The following MDGA2 variants were observed in gnomAD, a reference collection of about 807,000 sequenced individuals.
The protein encoded by MDGA2 is MAM domain-containing glycosylphosphatidylinositol anchor protein 2.
In MDGA2, 40 loss-of-function variants were observed where a neutral mutation model predicts 117.8. That is an observed-to-expected ratio of 0.34 (90% confidence interval 0.26 to 0.44). The LOEUF (loss-of-function observed/expected upper bound fraction) is 0.44. MDGA2 is among the 20% of genes least tolerant of loss of function. MDGA2 has a pLI of 1.00. For synonymous variants in MDGA2, 452 were observed against 439.0 expected, an observed-to-expected ratio of 1.03 and a Z score of -0.37; for missense variants, 1,123 against 1,250.6, an observed-to-expected ratio of 0.90 and a Z score of 1.54.
At chr14:47,474,750 T>C (rs1893800993) in intron 1 of MDGA2, among the ~76,000 whole-genome samples, 1 of 152,136 alleles carries the variant, frequency 6.6e-6, no homozygotes, top group South Asian at 2.1e-4. Context: ...ATTCCCTACT[T>C]AATATATGGT....
chr14:47,030,302 G>T (rs1486308665), intron 8 of MDGA2, among the ~76,000 whole-genome samples: 1 of 151,884 alleles, frequency 6.6e-6, no homozygotes, highest in African/African-American at 2.4e-5. Context: ...ATCACCTGAG[G>T]TCAGGAGTTC....
intron 1 of MDGA2, among the ~76,000 whole-genome samples, chr14:47,591,009 C>A (rs1896427293): frequency 6.6e-6 from 1 of 151,860 alleles, no homozygotes. Context: ...GTCAATTTAA[C>A]CCAATTACAG....
intron 6 of MDGA2, among the ~76,000 whole-genome samples, chr14:47,071,666 G>A (rs1438103510): frequency 6.6e-6 from 1 of 151,520 alleles, no homozygotes; most frequent in Non-Finnish European, 1.5e-5. Context: ...CCATTTAATT[G>A]GCTTTACTCT....
At chr14:47,308,888 A>G (rs927593865) in intron 1 of MDGA2, among the ~76,000 whole-genome samples, 4 of 151,752 alleles carry the variant, frequency 2.6e-5, no homozygotes, top group South Asian at 2.1e-4. Flanking sequence ...GTAAATCGCT[A>G]TTTCTTTTTT....
At chr14:47,519,718 GA>G (rs943874705) in intron 1 of MDGA2, among the ~76,000 whole-genome samples, 4 of 151,770 alleles carry the variant, frequency 2.6e-5, no homozygotes, top group South Asian at 2.1e-4. Flanking sequence ...TTTTCATTTG[GA>G]AAAAAAATTA....
intron 8 of MDGA2, among the ~76,000 whole-genome samples, chr14:47,023,932 GAGA>G (rs1368196381): frequency 3.9e-5 from 6 of 152,032 alleles, no homozygotes; most frequent in East Asian, 3.9e-4. Flanking sequence ...CTGATATACA[GAGA>G]AGAAGAATAA....
rs67255552 is a variant in MDGA2 at position 47,370,468 on chromosome 14, G to GTTTTTTTTTTTT, written c.281-68930_281-68919dup. On this transcript the variant is annotated intron_variant, in intron 1 of 16. Transcript: ENST00000399232. ...TTACTATTTTCTAGGTCTACTTACT[G>GTTTTTTTTTTTT]TTTTTTTTTTTTTTTTTTTTTTTTT... Among the ~76,000 whole-genome samples the GTTTTTTTTTTTT allele has an allele frequency of 4.8e-4, 10 of 20,684 alleles. 4 individuals are homozygous for GTTTTTTTTTTTT. The highest frequency in any genetic ancestry group is 4.3e-3 in the South Asian group (2 of 470). 13.6% of individuals were successfully genotyped at this position (20,684 alleles called of 152,430 possible).
intron 8 of MDGA2, among the ~76,000 whole-genome samples, chr14:47,007,099 T>C (rs1372768624): frequency 2.0e-5 from 3 of 151,796 alleles, no homozygotes; most frequent in African/African-American, 4.8e-5. Flanking sequence ...GGAGGATACA[T>C]TGAGGACTTC....
intron 1 of MDGA2, chr14:47,343,054 G>C (rs1330172949): frequency 7.8e-7 from 1 of 1,286,842 alleles, no homozygotes. Context: ...CGTGAGTCCT[G>C]CGGCAGATCC....
Position 47,318,797 on chromosome 14 carries a change from G to A in MDGA2, c.281-17247C>T, listed in dbSNP as rs187294965. On this transcript the variant is annotated intron_variant, in intron 1 of 16. Coordinates refer to ENST00000399232, the MANE Select transcript of MDGA2 (RefSeq NM_001113498.3). ...GGAAGGGAGAAAGGAGGGGAGGGGG[G>A]AAAGGGAGGAAAGAAGGAAGGAAGG... Among the ~76,000 whole-genome samples, 292 of 147,168 alleles carry A rather than the reference G, an allele frequency of 2.0e-3. 2 individuals are homozygous for A. Among genetic ancestry groups the A allele is most frequent in the African/African-American group, 7.0e-3 (278 of 39,872 alleles).
In MDGA2 at chr14:47,091,836, C is replaced by T. The variant is rs965400049; in HGVS notation, c.1195+5018G>A. On this transcript the variant is annotated intron_variant, in intron 6 of 16. Transcript: ENST00000399232. ...TTCCCGATGACAGGGATGGAGGCAA[C>T]ATCCATAGTAACCTTAGCAGCCACA... 2.0e-5 allele frequency among the ~76,000 whole-genome samples: 3 copies of T among 152,066 alleles called. No individual in the cohort carries two copies. The South Asian group carries it at 6.2e-4, about 31-fold the overall frequency.
chr14:47,059,620 C>G (rs1889810245), intron 7 of MDGA2, among the ~76,000 whole-genome samples: 1 of 152,012 alleles, frequency 6.6e-6, no homozygotes, highest in South Asian at 2.1e-4. Flanking sequence ...GCTTTCTTGT[C>G]TCCATTCTGT....
At chr14:47,530,496 CA>C (rs541443353) in intron 1 of MDGA2, among the ~76,000 whole-genome samples, 176 of 152,326 alleles carry the variant, frequency 1.2e-3, no homozygotes, top group African/African-American at 4.1e-3. Context: ...CTTCTGCATA[CA>C]GATGTTATGC....
intron 1 of MDGA2, among the ~76,000 whole-genome samples, chr14:47,448,204 G>A (rs536279644): frequency 1.3e-4 from 20 of 151,850 alleles, no homozygotes; most frequent in Non-Finnish European, 2.1e-4. Flanking sequence ...AGGCTGGAGG[G>A]TAGTGGCAAG....
chr14:47,405,053 C>T (rs187706184), intron 1 of MDGA2, among the ~76,000 whole-genome samples: 2 of 152,166 alleles, frequency 1.3e-5, no homozygotes, highest in Non-Finnish European at 2.9e-5. Flanking sequence ...AATAATTAAT[C>T]GGTGCTTTCT....
At chr14:47,559,224 A>G (rs538834741) in intron 1 of MDGA2, among the ~76,000 whole-genome samples, 80 of 152,238 alleles carry the variant, frequency 5.3e-4, no homozygotes, top group South Asian at 2.9e-3. Context: ...CAGTTTTTCA[A>G]TCTTCACCCT....
chr14:47,635,769 A>G (rs1451354918), intron 1 of MDGA2, among the ~76,000 whole-genome samples: 2 of 152,224 alleles, frequency 1.3e-5, no homozygotes, highest in African/African-American at 4.8e-5. Context: ...TCAAACTTTC[A>G]GGAACAATAA....
chr14:47,570,114 G>A lies in MDGA2; in HGVS notation c.280+104403C>T, dbSNP rs12589572. On this transcript the variant is annotated intron_variant, in intron 1 of 16. Coordinates refer to ENST00000399232, the MANE Select transcript of MDGA2 (RefSeq NM_001113498.3). Reference sequence around the variant, plus strand: ...ATAATATTAGAATGTGTCCAGATAAGATGCCATAAAATATTAACCTTAAAA... The same window carrying A: ...ATAATATTAGAATGTGTCCAGATAAAATGCCATAAAATATTAACCTTAAAA... 0.021 allele frequency among the ~76,000 whole-genome samples: 3,134 copies of A among 152,174 alleles called. 518 individuals carry two copies. In the East Asian group the frequency reaches 0.43, roughly 21 times the overall value.
intron 1 of MDGA2, among the ~76,000 whole-genome samples, chr14:47,535,930 G>A (rs940228926): frequency 6.6e-6 from 1 of 152,208 alleles, no homozygotes; most frequent in Non-Finnish European, 1.5e-5. Context: ...CTGTCAGCTA[G>A]TCTTGCCTTC....
Sources: gnomAD v4.1 joint callset for allele counts (sites outside exome capture counted in the v4.1 genomes callset) on GRCh38, gnomAD v4.1.1 for gene constraint, MANE v1.5 for transcripts, NCBI Gene and HGNC (gene_info 2026-07-23, HGNC 2026-07-21) for gene names.